Variants in SMARCC1 observed in about 807,000 individuals in gnomAD.
SMARCC1 encodes SWI/SNF complex subunit SMARCC1.
A neutral mutation model predicts 147.4 loss-of-function variants in SMARCC1; 43 were observed. The ratio of observed to expected loss-of-function variants is 0.29; its 90% confidence interval spans 0.23 to 0.38. SMARCC1 has a LOEUF of 0.38. Among genes scored for constraint, SMARCC1 ranks in the 10% least tolerant of loss-of-function variants. The probability of loss-of-function intolerance (pLI) is 1.00; values close to 1 mark genes in which losing one functional copy is unlikely to be tolerated. For missense variants in SMARCC1, 1,119 were observed against 1,381.1 expected (o/e 0.81, Z 3.01); for synonymous variants, 495 against 484.4 (o/e 1.02, Z -0.29).
chr3:47,704,960 G>C (rs1429996887), intron 10 of SMARCC1, among the ~76,000 whole-genome samples: 4 of 145,620 alleles, frequency 2.7e-5, no homozygotes, highest in African/African-American at 1.0e-4. Context: ...AAGAATGTAG[G>C]CCAGGCACGG....
At position 47,767,792 on chromosome 3, in the gene SMARCC1, C is replaced by T. The variant is rs1244702065; in HGVS notation, c.315+5025G>A. ...CTGAGGCAGGAGAATAGTTTGAACC[C>T]GGGAGGCAGAGGTTGCAGTGAGCCA... On this transcript the variant is annotated intron_variant, in intron 2 of 27. Transcript: ENST00000254480. Among the ~76,000 whole-genome samples, 3 of 151,398 alleles carry T rather than the reference C, an allele frequency of 2.0e-5. No homozygotes were observed. In the South Asian group the frequency reaches 6.3e-4, roughly 32 times the overall value.
chr3:47,693,114 G>A (rs1003948640), intron 12 of SMARCC1, 127 bp downstream of exon 12: 17 of 657,976 alleles, frequency 2.6e-5, no homozygotes, highest in Non-Finnish European at 4.6e-5. Flanking sequence ...AAGCTGTGGT[G>A]AGCTATATTA....
chr3:47,754,527 T>G (rs564967493), intron 2 of SMARCC1, among the ~76,000 whole-genome samples: 2 of 152,254 alleles, frequency 1.3e-5, no homozygotes, highest in East Asian at 3.9e-4. Flanking sequence ...ACACCCATTT[T>G]ACAGATGAGA....
chr3:47,778,190 C>CAAAAAAAAAAAAAA (rs762774696), intron 1 of SMARCC1, among the ~76,000 whole-genome samples: 1 of 53,156 alleles, frequency 1.9e-5, no homozygotes, highest in African/African-American at 9.4e-5. Context: ...GACTCCATCT[C>CAAAAAAAAAAAAAA]AAAAAAAAAA....
chr3:47,718,543 T>C (rs940969394), intron 7 of SMARCC1, among the ~76,000 whole-genome samples: 3 of 151,750 alleles, frequency 2.0e-5, no homozygotes, highest in African/African-American at 4.8e-5. Flanking sequence ...GAGAAGTAGA[T>C]AGAAGAAGAG....
intron 9 of SMARCC1, among the ~76,000 whole-genome samples, chr3:47,706,883 C>G (rs1340168543): frequency 6.6e-6 from 1 of 152,138 alleles, no homozygotes; most frequent in Non-Finnish European, 1.5e-5. Context: ...CTCTACTAAA[C>G]TGACAAAATA....
chr3:47,724,396 G>T (rs773221661), intron 6 of SMARCC1, among the ~76,000 whole-genome samples: 19 of 152,196 alleles, frequency 1.2e-4, no homozygotes, highest in Non-Finnish European at 2.5e-4. Flanking sequence ...AATACTAAAT[G>T]ATTCCACTTA....
chr3:47,706,571 C>T, intron 9 of SMARCC1, 41 bp from the exon 10 acceptor site: 2 of 1,497,268 alleles, frequency 1.3e-6, no homozygotes, highest in Non-Finnish European at 1.8e-6. Context: ...GCTATCTTTG[C>T]TCCTCAGTTT....
intron 6 of SMARCC1, among the ~76,000 whole-genome samples, chr3:47,728,210 C>T (rs1323932167): frequency 6.6e-6 from 1 of 150,886 alleles, no homozygotes; most frequent in Admixed American, 6.7e-5. Flanking sequence ...CCTCAGCCTC[C>T]CAAGTAGCTG....
At chr3:47,635,413 A>AC (rs2106702443) in intron 23 of SMARCC1, 69 bp from the exon 24 acceptor site, 2 of 1,222,674 alleles carry the variant, frequency 1.6e-6, no homozygotes, top group Non-Finnish European at 2.2e-6. Flanking sequence ...CCTTACCTCC[A>AC]CCACTATAAC....
At chr3:47,666,041 C>T (rs576011566) in intron 19 of SMARCC1, among the ~76,000 whole-genome samples, 1 of 152,160 alleles carries the variant, frequency 6.6e-6, no homozygotes, top group Non-Finnish European at 1.5e-5. Flanking sequence ...TTCTCTCCTG[C>T]CTAAAACTAT....
chr3:47,781,180 G>T (rs1474793868), intron 1 of SMARCC1, among the ~76,000 whole-genome samples: 1 of 152,176 alleles, frequency 6.6e-6, no homozygotes, highest in Non-Finnish European at 1.5e-5. Context: ...CAGTCGTTTA[G>T]CAATTCAACA....
intron 26 of SMARCC1, among the ~76,000 whole-genome samples, chr3:47,602,162 A>G (rs2032398064): frequency 6.6e-6 from 1 of 152,082 alleles, no homozygotes; most frequent in Admixed American, 6.5e-5. Context: ...GTGGTAGCAC[A>G]TGCCTGTAAG....
chr3:47,775,727 G>A (rs749496366), intron 1 of SMARCC1, among the ~76,000 whole-genome samples: 9 of 151,906 alleles, frequency 5.9e-5, no homozygotes, highest in Non-Finnish European at 1.2e-4. Flanking sequence ...AACCCAGATC[G>A]CGATCGTGCC....
At chr3:47,614,645 C>T (rs1419988567) in intron 25 of SMARCC1, among the ~76,000 whole-genome samples, 6 of 152,250 alleles carry the variant, frequency 3.9e-5, no homozygotes, top group South Asian at 2.1e-4. Flanking sequence ...TTCACTTCCA[C>T]GGCTGACACC....
At chr3:47,779,917 A>G (rs2035019869) in intron 1 of SMARCC1, among the ~76,000 whole-genome samples, 2 of 152,190 alleles carry the variant, frequency 1.3e-5, no homozygotes, top group Non-Finnish European at 2.9e-5. Flanking sequence ...ATTCAATTCC[A>G]TTAGCCACTT....
intron 3 of SMARCC1, among the ~76,000 whole-genome samples, chr3:47,744,603 G>A (rs1228905760): frequency 6.6e-6 from 1 of 151,996 alleles, no homozygotes; most frequent in Non-Finnish European, 1.5e-5. Context: ...GTATTCTCCT[G>A]GAAAGATGCT....
rs1208761549 is a variant in SMARCC1 at position 47,636,003 on chromosome 3, A to C, written c.2491+19T>G. ...TTACAGTTTTACATAATAATATCTA[A>C]GGAGTTTCCTCAAATTACCTGATTT... On this transcript the variant is annotated intron_variant, in intron 23 of 27. Coordinates refer to ENST00000254480, the MANE Select transcript of SMARCC1 (RefSeq NM_003074.4). The C allele has an allele frequency of 8.7e-7, 1 of 1,148,126 alleles. No individual in the cohort carries two copies. Among genetic ancestry groups the C allele is most frequent in the Non-Finnish European group, 1.3e-6 (1 of 767,436 alleles). The allele number at this position is 1,148,126 out of a possible 1,614,324, so 71.1% of individuals were successfully genotyped here. A position where few individuals can be genotyped will look rare whatever the true frequency, so the allele number is the denominator to read the frequency against.
chr3:47,721,241 A>C (rs2034229568), intron 6 of SMARCC1, among the ~76,000 whole-genome samples: 2 of 152,202 alleles, frequency 1.3e-5, no homozygotes, highest in African/African-American at 2.4e-5. Flanking sequence ...GTAAAGTGCT[A>C]CATCAAAGCT....
Sources: allele counts gnomAD v4.1 joint callset (sites outside exome capture counted in the v4.1 genomes callset), GRCh38; gene constraint gnomAD v4.1.1; transcripts MANE v1.5; gene names NCBI Gene and HGNC (gene_info 2026-07-23, HGNC 2026-07-21).